POTEE: variants seen among roughly 807,000 people sequenced by gnomAD.
POTEE encodes the protein POTE ankyrin domain family member E, also known as ANKRD26-like family C member 1A.
Under a neutral mutation model 74.2 loss-of-function variants are expected in POTEE, and 21 were observed. The observed-to-expected ratio is 0.28, with a 90% CI of 0.20 to 0.41. The LOEUF is 0.41. Among genes scored for constraint, POTEE ranks in the 10% least tolerant of loss-of-function variants. The pLI is 1.00. For missense variants in POTEE, 525 were observed against 1,158.6 expected (o/e 0.45, Z 7.94); for synonymous variants, 211 against 432.8 (o/e 0.49, Z 6.36).
intron 9 of POTEE, among the ~76,000 whole-genome samples, chr2:131,235,734 C>A (rs1159918152): frequency 7.7e-6 from 1 of 129,232 alleles, no homozygotes; most frequent in Non-Finnish European, 1.5e-5. Flanking sequence ...TCAGAGGTTG[C>A]AGTGAGCTGA....
chr2:131,211,549 T>G (rs1559162382), intron 2 of POTEE, among the ~76,000 whole-genome samples: 11 of 88,474 alleles, frequency 1.2e-4, no homozygotes, highest in Admixed American at 4.7e-4. Flanking sequence ...TGGCTTTTTT[T>G]TTTTTTTTTT....
chr2:131,263,874 G>A lies in POTEE; in HGVS notation c.2419G>A (p.Glu807Lys), dbSNP rs377464122. The change falls in exon 18 of 18, where the codon GAG becomes AAG. Residue 807 changes from glutamate (E) to lysine (K), a missense_variant. By Grantham distance (56) the Glu-to-Lys change is moderately conservative. Coordinates refer to ENST00000683005, the MANE Select transcript of POTEE (RefSeq NM_001083538.3). ...CGAGGAGCACCCCATCCTGCTGACCGAGGCCCCCCTGAACCCCAAGGCCAA... is the reference window on the plus strand; with the variant it reads ...CGAGGAGCACCCCATCCTGCTGACCAAGGCCCCCCTGAACCCCAAGGCCAA... ...APEEHPILLTEAPLNPKANRE... is the reference protein window; with the variant it reads ...APEEHPILLTKAPLNPKANRE... 247 of 1,613,844 alleles carry A rather than the reference G, an allele frequency of 1.5e-4. No homozygotes were observed. The African/African-American group carries it at 2.7e-3, about 18-fold the overall frequency.
chr2:131,258,581 TC>T (rs1441937179), intron 16 of POTEE, among the ~76,000 whole-genome samples: 90 of 152,186 alleles, frequency 5.9e-4, no homozygotes, highest in African/African-American at 2.0e-3. Context: ...CATTTTTATC[TC>T]ATTAAAAAGT....
rs1700784992 is a variant in POTEE at position 131,226,535 on chromosome 2, A to G, written c.811-288A>G. On this transcript the variant is annotated intron_variant, in intron 6 of 17. Transcript: ENST00000683005. ...TTAGATGGGAAAAATATTATCATCCAATAACACCATGCCAAATGCTGGTTT... is the reference window on the plus strand; with the variant it reads ...TTAGATGGGAAAAATATTATCATCCGATAACACCATGCCAAATGCTGGTTT... 2.1e-5 allele frequency among the ~76,000 whole-genome samples: 3 copies of G among 144,480 alleles called. No individual in the cohort carries two copies. In the Admixed American group the frequency reaches 2.1e-4, roughly 10 times the overall value. 94.8% of individuals were successfully genotyped at this position (144,480 alleles called of 152,430 possible). A position where few individuals can be genotyped will look rare whatever the true frequency, so the allele number is the denominator to read the frequency against.
chr2:131,243,867 CA>C (rs1241493314), intron 12 of POTEE, among the ~76,000 whole-genome samples: 451 of 8,584 alleles, frequency 0.053, no homozygotes, highest in South Asian at 0.093. Context: ...GACTCCGTCT[CA>C]AAAAAAAAAA....
chr2:131,248,091 A>G (rs1701386595), intron 13 of POTEE, among the ~76,000 whole-genome samples: 1 of 145,224 alleles, frequency 6.9e-6, no homozygotes, highest in Non-Finnish European at 1.5e-5. Context: ...GCATCAATGT[A>G]TTACAAGGTT....
intron 9 of POTEE, among the ~76,000 whole-genome samples, chr2:131,233,207 G>T (rs1701017693): frequency 6.6e-6 from 1 of 152,042 alleles, no homozygotes; most frequent in Non-Finnish European, 1.5e-5. Flanking sequence ...TGTAAAACGG[G>T]TTAGCAAGCT....
intron 2 of POTEE, among the ~76,000 whole-genome samples, chr2:131,212,388 G>A (rs1002494671): frequency 6.6e-6 from 1 of 151,580 alleles, no homozygotes; most frequent in Non-Finnish European, 1.5e-5. Context: ...TGCGTTATAA[G>A]TAGTTATTCA....
At chr2:131,213,462 T>C (rs1488395845) in intron 2 of POTEE, among the ~76,000 whole-genome samples, 1 of 152,042 alleles carries the variant, frequency 6.6e-6, no homozygotes, top group Non-Finnish European at 1.5e-5. Context: ...ATTTGAACAC[T>C]TGTTATTTTT....
Position 131,211,159 on chromosome 2 carries a change from C to T in POTEE, c.-213C>T, listed in dbSNP as rs534198076. ...CGCCTCGTGTGACTGATGGCAGCCA[C>T]GGAGACTGCAGCTCGACAGGAGTGG... On this transcript the variant is annotated 5_prime_UTR_variant, in exon 2 of 18. It adds an upstream start codon to the 5' untranslated region. Coordinates refer to ENST00000683005, the MANE Select transcript of POTEE (RefSeq NM_001083538.3). 0.023 allele frequency among the ~76,000 whole-genome samples: 3,519 copies of T among 151,792 alleles called. 38 individuals carry two copies. Among genetic ancestry groups the T allele is most frequent in the African/African-American group, 0.05 (2,049 of 41,170 alleles).
intron 4 of POTEE, among the ~76,000 whole-genome samples, chr2:131,222,890 C>A (rs547829111): frequency 5.9e-4 from 90 of 151,924 alleles, no homozygotes; most frequent in Admixed American, 2.2e-3. Flanking sequence ...CCGCCCCGGA[C>A]CTGTTATAAC....
At chr2:131,230,936 T>A in intron 9 of POTEE, 30 bp downstream of exon 9, 6 of 1,549,098 alleles carry the variant, frequency 3.9e-6, no homozygotes, top group Non-Finnish European at 5.2e-6. Context: ...ATTACTTTAG[T>A]CAGTTGTCCC....
At chr2:131,248,953 C>CT in intron 13 of POTEE, among the ~76,000 whole-genome samples, 1 of 152,288 alleles carries the variant, frequency 6.6e-6, no homozygotes, top group East Asian at 1.9e-4. Context: ...CAATCAGAAT[C>CT]TTTTTAGCAG....
intron 9 of POTEE, among the ~76,000 whole-genome samples, chr2:131,235,461 A>G (rs1056758738): frequency 6.6e-6 from 1 of 152,004 alleles, no homozygotes; most frequent in African/African-American, 2.4e-5. Context: ...GGGGAAAGAC[A>G]TGCAGAATCA....
In POTEE at chr2:131,229,537, G is replaced by A. The variant is rs1700883569; in HGVS notation, c.1055+1156G>A. On this transcript the variant is annotated intron_variant, in intron 8 of 17. Transcript: ENST00000683005. ...AGAGAATTCTCAGAATCTCAAGTAG[G>A]TTAGTTGGACTTCACAGAGCCAAGC... 2.0e-5 allele frequency: 3 copies of A among 152,202 alleles called. No homozygotes were observed. The South Asian group carries it at 6.2e-4, about 32-fold the overall frequency. The allele number at this position is 152,202 out of a possible 1,614,324, so 9.4% of individuals were successfully genotyped here.
In POTEE at chr2:131,222,307, A is replaced by C. The variant is rs577041905; in HGVS notation, c.522-1289A>C. ...ATTATCCTTAGCAAACTAACAAAGG[A>C]AGAGAAAACCAAATACTGCATGTTC... On this transcript the variant is annotated intron_variant, in intron 4 of 17. Transcript: ENST00000683005. Among the ~76,000 whole-genome samples the C allele has an allele frequency of 2.0e-5, 3 of 152,376 alleles. No individual in the cohort carries two copies. The East Asian group carries it at 5.8e-4, about 29-fold the overall frequency.
intron 10 of POTEE, among the ~76,000 whole-genome samples, chr2:131,237,076 ACT>A (rs1485455297): frequency 6.6e-6 from 1 of 151,836 alleles, no homozygotes; most frequent in African/African-American, 2.4e-5. Flanking sequence ...TATTTAAAAT[ACT>A]CTCATCTGCC....
chr2:131,220,960 C>CA (rs368618556), intron 4 of POTEE, among the ~76,000 whole-genome samples: 86,122 of 116,534 alleles, frequency 0.74, 32,887 homozygotes, highest in Non-Finnish European at 0.85. Flanking sequence ...GACTCCATCT[C>CA]AAAAAAAAAA....
At chr2:131,256,849 A>G (rs1160675031) in intron 16 of POTEE, among the ~76,000 whole-genome samples, 2 of 152,296 alleles carry the variant, frequency 1.3e-5, no homozygotes, top group Non-Finnish European at 2.9e-5. Context: ...AGGAATTAGG[A>G]TTGTATCATC....
Sources: allele counts gnomAD v4.1 joint callset (sites outside exome capture counted in the v4.1 genomes callset), GRCh38; gene constraint gnomAD v4.1.1; transcripts MANE v1.5; gene names NCBI Gene and HGNC (gene_info 2026-07-23, HGNC 2026-07-21).